The following MACROD2 variants were observed in gnomAD, a reference collection of about 807,000 sequenced individuals.
MACROD2 encodes the protein ADP-ribose glycohydrolase MACROD2.
A neutral mutation model predicts 70.4 loss-of-function variants in MACROD2; 36 were observed. That is an observed-to-expected ratio of 0.51 (90% CI 0.39 to 0.68). MACROD2 has a LOEUF of 0.68. Ranked by LOEUF, MACROD2 falls within the 30% of genes least tolerant of loss-of-function variation. MACROD2 has a pLI of 0.00. For missense variants in MACROD2, 496 were observed against 538.4 expected (o/e 0.92, Z 0.78); for synonymous variants, 172 against 178.8 (o/e 0.96, Z 0.30).
chr20:15,283,917 G>A (rs1600195267), intron 6 of MACROD2, among the ~76,000 whole-genome samples: 1 of 151,872 alleles, frequency 6.6e-6, no homozygotes, highest in East Asian at 1.9e-4. Context: ...TTCCTAAATG[G>A]CTTTATCTGT....
chr20:14,250,585 A>G (rs757671148), intron 3 of MACROD2, among the ~76,000 whole-genome samples: 6 of 152,094 alleles, frequency 3.9e-5, no homozygotes, highest in African/African-American at 7.2e-5. Flanking sequence ...TATCTGGCAA[A>G]TTCTTGATTG....
intron 4 of MACROD2, among the ~76,000 whole-genome samples, chr20:14,622,285 G>A (rs928014504): frequency 6.6e-5 from 10 of 151,990 alleles, no homozygotes; most frequent in South Asian, 6.2e-4. Context: ...GAAGTTGTCC[G>A]TTAAGTAGGT....
chr20:16,008,675 T>G (rs2066821719), intron 15 of MACROD2, among the ~76,000 whole-genome samples: 1 of 152,230 alleles, frequency 6.6e-6, no homozygotes, highest in Non-Finnish European at 1.5e-5. Context: ...TGTGTAAAGT[T>G]CTGGCAGTAG....
At chr20:15,630,942 T>C (rs1274595483) in intron 8 of MACROD2, among the ~76,000 whole-genome samples, 2 of 152,234 alleles carry the variant, frequency 1.3e-5, no homozygotes, top group Non-Finnish European at 2.9e-5. Context: ...CCAGGTTAGC[T>C]TCATCTGTTG....
intron 8 of MACROD2, among the ~76,000 whole-genome samples, chr20:15,606,924 C>A (rs2048901857): frequency 6.6e-6 from 1 of 151,822 alleles, no homozygotes; most frequent in Non-Finnish European, 1.5e-5. Flanking sequence ...ATTGCTTGAA[C>A]CCAGGAGGCA....
intron 3 of MACROD2, among the ~76,000 whole-genome samples, chr20:14,276,877 G>A (rs1198014080): frequency 6.6e-6 from 1 of 152,120 alleles, no homozygotes; most frequent in Admixed American, 6.6e-5. Flanking sequence ...ATACTTAACA[G>A]TCACCTAATC....
intron 8 of MACROD2, among the ~76,000 whole-genome samples, chr20:15,522,289 CA>C (rs1195765744): frequency 6.6e-6 from 1 of 152,060 alleles, no homozygotes; most frequent in Admixed American, 6.5e-5. Flanking sequence ...TATGGAGGCT[CA>C]AAATAAAATG....
chr20:14,439,043 G>A (rs376481111), intron 3 of MACROD2, among the ~76,000 whole-genome samples: 35 of 152,148 alleles, frequency 2.3e-4, no homozygotes, highest in African/African-American at 8.2e-4. Context: ...CAGGTCTTAA[G>A]TGTAGGTCTT....
chr20:15,144,234 GAAC>G (rs1187571478), intron 5 of MACROD2, among the ~76,000 whole-genome samples: 1 of 152,080 alleles, frequency 6.6e-6, no homozygotes, highest in Non-Finnish European at 1.5e-5. Context: ...AGAATTAAAT[GAAC>G]CACTGCACCT....
At chr20:14,041,655 C>A (rs938132354) in intron 2 of MACROD2, among the ~76,000 whole-genome samples, 1 of 152,122 alleles carries the variant, frequency 6.6e-6, no homozygotes, top group African/African-American at 2.4e-5. Flanking sequence ...ACAGCTTGTA[C>A]TACACATAGG....
chr20:15,944,779 G>C (rs2065798406), intron 12 of MACROD2, among the ~76,000 whole-genome samples: 1 of 152,062 alleles, frequency 6.6e-6, no homozygotes, highest in South Asian at 2.1e-4. Flanking sequence ...AATAATGGAA[G>C]AGAATAAAAA....
At chr20:15,067,469 C>G (rs2075586311) in intron 5 of MACROD2, among the ~76,000 whole-genome samples, 1 of 152,136 alleles carries the variant, frequency 6.6e-6, no homozygotes, top group East Asian at 1.9e-4. Flanking sequence ...CCTGCCTCAG[C>G]CACCAGAGTA....
intron 8 of MACROD2, among the ~76,000 whole-genome samples, chr20:15,791,967 A>G (rs1396590421): frequency 1.3e-5 from 2 of 152,084 alleles, no homozygotes; most frequent in Non-Finnish European, 2.9e-5. Context: ...ATGCTTTGAA[A>G]TGTTTCGAAA....
In MACROD2 at chr20:15,009,111, A is replaced by G. The variant is rs892160105; in HGVS notation, c.419-220829A>G. Among the ~76,000 whole-genome samples, 85 of 152,270 alleles carry G rather than the reference A, an allele frequency of 5.6e-4. 1 individual carries two copies. The highest frequency in any genetic ancestry group is 1.9e-3 in the African/African-American group (81 of 41,558). The stretch of plus-strand genomic sequence containing the variant: ...CCAAATGCTGGTTGCACAACTTCAG[A>G]CAAAAGGAGGTACTACAGGAAAAAG... On this transcript the variant is annotated intron_variant, in intron 5 of 17. Coordinates refer to ENST00000684519, the MANE Select transcript of MACROD2 (RefSeq NM_001351661.2).
At position 15,816,606 on chromosome 20, in the gene MACROD2, T is replaced by C. The variant is rs538126844; in HGVS notation, c.646-46139T>C. Among the ~76,000 whole-genome samples, 7 of 152,310 alleles carry C rather than the reference T, an allele frequency of 4.6e-5. No individual in the cohort carries two copies. In the East Asian group the frequency reaches 1.4e-3, roughly 29 times the overall value. On this transcript the variant is annotated intron_variant, in intron 8 of 17. Transcript: ENST00000684519. ...TAGCTTATCAAAAGACCTTGATAAC[T>C]CCCACGGCTTCTTCCTTCTGCTCCT...
intron 5 of MACROD2, among the ~76,000 whole-genome samples, chr20:14,694,980 G>A (rs1001002531): frequency 6.6e-6 from 1 of 152,168 alleles, no homozygotes; most frequent in East Asian, 1.9e-4. Context: ...TCTAGCAAAC[G>A]GAGTATGTCA....
At chr20:14,040,860 G>T (rs144785718) in intron 2 of MACROD2, among the ~76,000 whole-genome samples, 1 of 152,066 alleles carries the variant, frequency 6.6e-6, no homozygotes, top group Non-Finnish European at 1.5e-5. Flanking sequence ...GATTGTAGTG[G>T]GCATGCTATT....
chr20:15,995,481 C>T (rs2066615117), intron 15 of MACROD2, among the ~76,000 whole-genome samples: 1 of 151,544 alleles, frequency 6.6e-6, no homozygotes, highest in Non-Finnish European at 1.5e-5. Context: ...TCCTGAGTAG[C>T]TGGGACTACA....
intron 4 of MACROD2, among the ~76,000 whole-genome samples, chr20:14,560,800 A>T (rs1322684703): frequency 6.6e-6 from 1 of 151,848 alleles, no homozygotes; most frequent in African/African-American, 2.4e-5. Flanking sequence ...TCACAGAGTC[A>T]TTTATTTCCA....
Sources: gnomAD v4.1 joint callset for allele counts (sites outside exome capture counted in the v4.1 genomes callset) on GRCh38, gnomAD v4.1.1 for gene constraint, MANE v1.5 for transcripts, NCBI Gene and HGNC (gene_info 2026-07-23, HGNC 2026-07-21) for gene names.